FGF13: variants seen among roughly 807,000 people sequenced by gnomAD.
The protein encoded by FGF13 is fibroblast growth factor homologous factor 2.
Under a neutral mutation model 19.5 loss-of-function variants are expected in FGF13, and 2 were observed. That is an observed-to-expected ratio of 0.10 (90% CI 0.04 to 0.32). The LOEUF (loss-of-function observed/expected upper bound fraction) is 0.32. Ranked by LOEUF, FGF13 falls within the 10% of genes least tolerant of loss-of-function variation. The pLI is 1.00. For missense variants in FGF13, 113 were observed against 192.7 expected, an observed-to-expected ratio of 0.59 and a Z score of 2.45; for synonymous variants, 72 against 76.9, an observed-to-expected ratio of 0.94 and a Z score of 0.33.
intron 1 of FGF13, among the ~76,000 whole-genome samples, chrX:138,737,544 C>T (rs1228327189): frequency 8.9e-6 from 1 of 111,995 alleles, no homozygotes; most frequent in East Asian, 2.8e-4. Flanking sequence ...CTATTTATAA[C>T]ATTTCATCAA....
chrX:138,784,817 C>G (rs1385369285), intron 3 of FGF13, among the ~76,000 whole-genome samples: 1 of 111,728 alleles, frequency 9.0e-6, no homozygotes, highest in Non-Finnish European at 1.9e-5. Context: ...CCTAATTTCT[C>G]TTTCCCTCCA....
At chrX:138,989,488 G>A (rs928205517) in intron 1 of FGF13, among the ~76,000 whole-genome samples, 1 of 111,664 alleles carries the variant, frequency 9.0e-6, no homozygotes, top group Non-Finnish European at 1.9e-5. Flanking sequence ...AGAAATTCCC[G>A]AGCTAAATAA....
chrX:138,976,435 G>A (rs904794474), intron 1 of FGF13, among the ~76,000 whole-genome samples: 1 of 111,471 alleles, frequency 9.0e-6, no homozygotes, highest in Non-Finnish European at 1.9e-5. Context: ...TCTAAGTGAA[G>A]TAACTCAGGA....
At chrX:138,914,689 AAAT>A (rs1297708727) in intron 1 of FGF13, among the ~76,000 whole-genome samples, 1 of 108,995 alleles carries the variant, frequency 9.2e-6, no homozygotes, top group East Asian at 2.9e-4. Context: ...AAATAAGGAA[AAAT>A]AATCTTTTTT....
intron 3 of FGF13, among the ~76,000 whole-genome samples, chrX:138,662,091 AGCTTCATCCAAGTC>A (rs2089495688): frequency 1.8e-5 from 2 of 111,902 alleles, no homozygotes; most frequent in South Asian, 7.4e-4. Flanking sequence ...ATTCACATAA[AGCTTCATCCAAGTC>A]TATGTGAGAA....
chrX:138,619,631 A>T lies in FGF13; in HGVS notation c.*13219T>A, dbSNP rs1326666049. ...ATTTAAGCAAATATACAAGAAAAAA[A>T]AAACCGCATCAAAAAGTGGGCAAAG... On this transcript the variant is annotated 3_prime_UTR_variant, in exon 5 of 5. Coordinates refer to ENST00000315930, the MANE Select transcript of FGF13 (RefSeq NM_004114.5). 1.8e-5 allele frequency: 2 copies of T among 111,866 alleles called. No homozygotes were observed. The highest frequency in any genetic ancestry group is 1.9e-4 in the Admixed American group (2 of 10,555). The allele number at this position is 111,866 out of a possible 1,213,427, so 9.2% of individuals were successfully genotyped here.
Position 139,197,975 on chromosome X carries a change from C to G in FGF13, c.-113+5441G>C, listed in dbSNP as rs62603253. 2.6e-3 allele frequency among the ~76,000 whole-genome samples: 189 copies of G among 71,425 alleles called. 2 individuals are homozygous for G. Among genetic ancestry groups the G allele is most frequent in the Non-Finnish European group, 3.9e-3 (163 of 41,667 alleles). The allele number at this position is 71,425 out of a possible 115,157, so 62.0% of individuals were successfully genotyped here. A position where few individuals can be genotyped will look rare whatever the true frequency, so the allele number is the denominator to read the frequency against. ...TGCCACTGCACTCCAGTCTGGGTGA[C>G]AGATTGAGACCCTACCTCAAAAAAA... On this transcript the variant is annotated intron_variant, in intron 1 of 2. Transcript: ENST00000421460.
At chrX:139,070,964 A>G (rs1466164483) in intron 1 of FGF13, among the ~76,000 whole-genome samples, 1 of 110,333 alleles carries the variant, frequency 9.1e-6, no homozygotes, top group Admixed American at 9.7e-5. Flanking sequence ...AGGGAGGGGA[A>G]CATCACACAC....
intron 3 of FGF13, among the ~76,000 whole-genome samples, chrX:138,824,974 A>G (rs999095397): frequency 1.8e-5 from 2 of 111,840 alleles, no homozygotes; most frequent in East Asian, 2.8e-4. Context: ...CTTCCAATAC[A>G]TTTTTTATGC....
chrX:138,892,932 C>T (rs1229981225), intron 1 of FGF13, among the ~76,000 whole-genome samples: 1 of 86,498 alleles, frequency 1.2e-5, no homozygotes, highest in African/African-American at 4.5e-5. Context: ...CCCAGGAATA[C>T]ATAGATACAA....
chrX:138,904,296 G>A (rs747445691), intron 1 of FGF13, among the ~76,000 whole-genome samples: 3 of 111,410 alleles, frequency 2.7e-5, no homozygotes, highest in Non-Finnish European at 3.8e-5. Flanking sequence ...TGTGTGTATC[G>A]TGGTTGTGTG....
intron 1 of FGF13, among the ~76,000 whole-genome samples, chrX:138,971,719 G>T (rs1253735752): frequency 9.0e-6 from 1 of 111,396 alleles, no homozygotes; most frequent in Non-Finnish European, 1.9e-5. Context: ...TGATTTCTTT[G>T]TGGTATGAAC....
intron 1 of FGF13, among the ~76,000 whole-genome samples, chrX:139,089,041 A>G (rs2083423000): frequency 8.9e-6 from 1 of 112,265 alleles, no homozygotes. Context: ...TGAGAAACAA[A>G]TTTCTGTTAT....
chrX:138,881,555 G>A (rs1410313556), intron 1 of FGF13, among the ~76,000 whole-genome samples: 1 of 111,324 alleles, frequency 9.0e-6, no homozygotes, highest in East Asian at 2.8e-4. Flanking sequence ...TCTTTATTGG[G>A]TAGTTTCAAA....
intron 1 of FGF13, 54 bp downstream of exon 1, chrX:138,710,763 G>T: frequency 8.4e-7 from 1 of 1,194,784 alleles, no homozygotes; most frequent in Admixed American, 2.2e-5. Context: ...GCTCCCCACC[G>T]CCCCCACCTC....
At position 139,006,771 on chromosome X, in the gene FGF13, A is replaced by G. The variant is rs535696452; in HGVS notation, c.-112-142121T>C. Among the ~76,000 whole-genome samples the G allele has an allele frequency of 3.6e-5, 4 of 112,069 alleles. No homozygotes were observed. In the South Asian group the frequency reaches 1.5e-3, roughly 41 times the overall value. On this transcript the variant is annotated intron_variant, in intron 1 of 2. Transcript: ENST00000421460. ...TTTATGCAAACAGTGTTAATTTATT[A>G]TCAAGTAAAAATAATGGGTTAAAGA...
intron 1 of FGF13, among the ~76,000 whole-genome samples, chrX:138,709,199 A>C (rs1041797237): frequency 8.9e-6 from 1 of 112,173 alleles, no homozygotes; most frequent in Non-Finnish European, 1.9e-5. Context: ...ACAGAGTGGA[A>C]CTCTATCTCA....
At chrX:138,658,024 TC>T (rs765012766) in intron 3 of FGF13, among the ~76,000 whole-genome samples, 93 of 112,022 alleles carry the variant, frequency 8.3e-4, no homozygotes, top group African/African-American at 2.9e-3. Flanking sequence ...TTATTGAGGA[TC>T]AGTCGTGAAA....
intron 1 of FGF13, among the ~76,000 whole-genome samples, chrX:139,174,290 T>G (rs1356196402): frequency 1.8e-5 from 2 of 112,534 alleles, no homozygotes; most frequent in Admixed American, 1.9e-4. Context: ...TCCTTGTAGA[T>G]TCTGGATGTT....
Sources: allele counts gnomAD v4.1 joint callset (sites outside exome capture counted in the v4.1 genomes callset), GRCh38; gene constraint gnomAD v4.1.1; transcripts MANE v1.5; gene names NCBI Gene and HGNC (gene_info 2026-07-23, HGNC 2026-07-21).